Variants in ZNF469 observed in about 807,000 individuals in gnomAD.
ZNF469 encodes zinc finger protein 469.
ZNF469 carries 1 observed loss-of-function variant against 1.0 expected under a neutral mutation model. The ratio of observed to expected loss-of-function variants is 1.00; its 90% CI spans 0.35 to 4.73. The LOEUF (loss-of-function observed/expected upper bound fraction) is 4.73, where lower values mean the gene tolerates loss of function less well. ZNF469 is among the 30% of genes most tolerant of loss of function. The pLI is 0.16. For synonymous variants in ZNF469, 2,703 were observed against 2,363.4 expected, an observed-to-expected ratio of 1.14 and a Z score of -4.17; for missense variants, 6,100 against 5,356.3, an observed-to-expected ratio of 1.14 and a Z score of -4.33.
chr16:88,151,077 G>A, the ZNF469 span, among the ~76,000 whole-genome samples: 378 of 152,378 alleles, frequency 2.5e-3, 4 homozygotes, highest in Non-Finnish European at 4.6e-3. The surrounding 1 kb of genome is among the most constrained non-coding windows in gnomAD (Gnocchi z 5.4). Flanking sequence ...ACCCGTCCAG[G>A]TGAAGCCCCA....
the ZNF469 span, among the ~76,000 whole-genome samples, chr16:88,352,429 G>A: frequency 6.6e-6 from 1 of 152,228 alleles, no homozygotes; most frequent in Admixed American, 6.5e-5. Flanking sequence ...GGGTGCTGCA[G>A]GTGCACAGAG....
chr16:88,242,551 C>A, the ZNF469 span, among the ~76,000 whole-genome samples: 2 of 152,242 alleles, frequency 1.3e-5, no homozygotes, highest in South Asian at 4.1e-4. Flanking sequence ...CTAAGCCTGT[C>A]TCCAAATACG....
At chr16:88,277,083 T>A in the ZNF469 span, among the ~76,000 whole-genome samples, 1 of 149,150 alleles carries the variant, frequency 6.7e-6, no homozygotes, top group Admixed American at 6.7e-5. Flanking sequence ...CAGTCTGTAC[T>A]GTGTAGATGT....
At chr16:88,270,667 C>G in the ZNF469 span, among the ~76,000 whole-genome samples, 1 of 152,248 alleles carries the variant, frequency 6.6e-6, no homozygotes, top group African/African-American at 2.4e-5. Flanking sequence ...ATCATGCTCA[C>G]TCCACGGGAA....
At chr16:88,235,812 CAT>C in the ZNF469 span, among the ~76,000 whole-genome samples, 1 of 152,188 alleles carries the variant, frequency 6.6e-6, no homozygotes, top group African/African-American at 2.4e-5. Context: ...GTCCTGAGGA[CAT>C]GTGCCGCAGG....
chr16:88,253,105 T>A, the ZNF469 span, among the ~76,000 whole-genome samples: 2 of 152,214 alleles, frequency 1.3e-5, no homozygotes. Context: ...GTCACTTACT[T>A]GTTAACATTT....
the ZNF469 span, among the ~76,000 whole-genome samples, chr16:88,212,340 A>C: frequency 6.6e-6 from 1 of 152,104 alleles, no homozygotes; most frequent in Non-Finnish European, 1.5e-5. Context: ...GACTTCACTT[A>C]TACACAGTGT....
At chr16:88,417,542 C>T (rs1023612281) in intron 1 of ZNF469, among the ~76,000 whole-genome samples, 2 of 152,206 alleles carry the variant, frequency 1.3e-5, no homozygotes, top group Non-Finnish European at 2.9e-5. Flanking sequence ...CCAATCCAGT[C>T]CCCGCAAGCC....
the ZNF469 span, among the ~76,000 whole-genome samples, chr16:88,369,074 G>T: frequency 2.1e-4 from 31 of 145,462 alleles, no homozygotes; most frequent in South Asian, 6.8e-3. Context: ...GTGAGATTCT[G>T]TCTCAAAAAA....
At chr16:88,189,906 G>A in the ZNF469 span, among the ~76,000 whole-genome samples, 1 of 152,152 alleles carries the variant, frequency 6.6e-6, no homozygotes, top group Non-Finnish European at 1.5e-5. The surrounding 1 kb of genome is among the most constrained non-coding windows in gnomAD (Gnocchi z 4.3). Context: ...GTGACAGAGT[G>A]GGACTGTGTC....
At chr16:88,239,654 ATT>A in the ZNF469 span, among the ~76,000 whole-genome samples, 16 of 46,430 alleles carry the variant, frequency 3.4e-4, no homozygotes, top group African/African-American at 9.1e-4. Context: ...CGCCCGGCTT[ATT>A]TTTTTTTTTT....
At chr16:88,112,878 C>A in the ZNF469 span, among the ~76,000 whole-genome samples, 1 of 140,594 alleles carries the variant, frequency 7.1e-6, no homozygotes, top group African/African-American at 2.6e-5. Context: ...CCCGGGTTTG[C>A]GCTATTCTCC....
chr16:88,304,287 A>C, the ZNF469 span, among the ~76,000 whole-genome samples: 361 of 152,286 alleles, frequency 2.4e-3, 3 homozygotes, highest in African/African-American at 8.1e-3. Context: ...CAGTGACACC[A>C]GGGCGATGGA....
At chr16:88,322,487 G>A in the ZNF469 span, among the ~76,000 whole-genome samples, 1 of 152,234 alleles carries the variant, frequency 6.6e-6, no homozygotes, top group South Asian at 2.1e-4. Flanking sequence ...TGGCAGTGGG[G>A]AGCCAACTGC....
chr16:88,390,448 C>T (rs1455053993), intron 1 of ZNF469, among the ~76,000 whole-genome samples: 1 of 152,202 alleles, frequency 6.6e-6, no homozygotes, highest in Non-Finnish European at 1.5e-5. Context: ...CACTGTGTGT[C>T]TTCTCCAGCC....
the ZNF469 span, among the ~76,000 whole-genome samples, chr16:88,188,454 T>A: frequency 6.6e-6 from 1 of 152,216 alleles, no homozygotes; most frequent in Non-Finnish European, 1.5e-5. Context: ...CGGCATGGGC[T>A]GCTTAATGAC....
Position 88,432,233 on chromosome 16 carries a change from T to C in ZNF469, c.4763T>C (p.Leu1588Pro), listed in dbSNP as rs1597209949. The change falls in exon 3 of 3, where the codon CTT becomes CCT. Residue 1588 changes from leucine to proline, a missense_variant. Physicochemically the swap from Leu to Pro is moderately conservative, Grantham distance 98. Coordinates refer to ENST00000565624, the MANE Select transcript of ZNF469 (RefSeq NM_001367624.2). ...SKDTRGAPRE[L>P]AEAESVGRVE... ...GACACACGTGGGGCCCCGAGAGAGCTTGCAGAAGCTGAGTCGGTGGGCAGG... is the reference window on the plus strand; with the variant it reads ...GACACACGTGGGGCCCCGAGAGAGCCTGCAGAAGCTGAGTCGGTGGGCAGG... 2.6e-6 allele frequency: 4 copies of C among 1,549,456 alleles called. No individual in the cohort carries two copies. The highest frequency in any genetic ancestry group is 3.5e-6 in the Non-Finnish European group (4 of 1,146,978).
At chr16:88,123,429 A>C in the ZNF469 span, among the ~76,000 whole-genome samples, 1 of 151,942 alleles carries the variant, frequency 6.6e-6, no homozygotes, top group Non-Finnish European at 1.5e-5. Flanking sequence ...GGCTGTTTTC[A>C]ATTTTGGGCT....
the ZNF469 span, among the ~76,000 whole-genome samples, chr16:88,300,661 T>C: frequency 6.6e-6 from 1 of 152,038 alleles, no homozygotes; most frequent in Non-Finnish European, 1.5e-5. Flanking sequence ...AATGAACAAG[T>C]GAGTCGTGAG....
Sources: allele counts gnomAD v4.1 joint callset (sites outside exome capture counted in the v4.1 genomes callset), GRCh38; gene constraint gnomAD v4.1.1; non-coding constraint Gnocchi (gnomAD v3.1); transcripts MANE v1.5; gene names NCBI Gene and HGNC (gene_info 2026-07-23, HGNC 2026-07-21).